GRIP1: variants seen among roughly 807,000 people sequenced by gnomAD.
GRIP1 encodes glutamate receptor interacting protein 1, also known as glutamate receptor-interacting protein 1.
GRIP1 carries 45 observed loss-of-function variants against 129.9 expected under a neutral mutation model. That is an observed-to-expected ratio of 0.35 (90% CI 0.27 to 0.44). The LOEUF is 0.44. Ranked by LOEUF, GRIP1 falls within the 20% of genes least tolerant of loss-of-function variation. GRIP1 has a pLI of 1.00. For missense variants in GRIP1, 1,196 were observed against 1,396.8 expected, an observed-to-expected ratio of 0.86 and a Z score of 2.29; for synonymous variants, 530 against 520.8, an observed-to-expected ratio of 1.02 and a Z score of -0.24.
At chr12:66,906,578 G>A (rs1592943877) in intron 1 of GRIP1, among the ~76,000 whole-genome samples, 1 of 152,242 alleles carries the variant, frequency 6.6e-6, no homozygotes, top group East Asian at 1.9e-4. Context: ...CCACAGAAAG[G>A]CAGGATACTG....
intron 1 of GRIP1, among the ~76,000 whole-genome samples, chr12:66,611,047 G>A (rs529437218): frequency 1.3e-5 from 2 of 152,160 alleles, no homozygotes; most frequent in African/African-American, 2.4e-5. Context: ...GACATTTATC[G>A]TGATAGAATA....
chr12:66,468,679 G>GC (rs1555189863), intron 7 of GRIP1, among the ~76,000 whole-genome samples: 2 of 149,170 alleles, frequency 1.3e-5, no homozygotes, highest in Non-Finnish European at 3.0e-5. Context: ...CCTTAAGTTA[G>GC]TTTTTTTTTT....
intron 1 of GRIP1, among the ~76,000 whole-genome samples, chr12:66,831,479 T>G (rs1280366435): frequency 6.6e-6 from 1 of 152,220 alleles, no homozygotes; most frequent in African/African-American, 2.4e-5. Flanking sequence ...AAATGTCATA[T>G]GTTGGCCCAA....
At chr12:66,382,191 T>TG (rs2056142052) in intron 19 of GRIP1, among the ~76,000 whole-genome samples, 2 of 152,286 alleles carry the variant, frequency 1.3e-5, no homozygotes, top group Non-Finnish European at 2.9e-5. Flanking sequence ...TTTGCACCAC[T>TG]GCACTCCAGT....
At chr12:66,618,222 G>A (rs1042220279) in intron 1 of GRIP1, among the ~76,000 whole-genome samples, 53 of 152,162 alleles carry the variant, frequency 3.5e-4, no homozygotes, top group African/African-American at 1.2e-3. Flanking sequence ...GTGCCAACAT[G>A]CAAAGATCTC....
At chr12:66,517,603 T>C (rs976160626) in intron 6 of GRIP1, among the ~76,000 whole-genome samples, 3 of 152,118 alleles carry the variant, frequency 2.0e-5, no homozygotes, top group Non-Finnish European at 2.9e-5. Context: ...ATTATATATC[T>C]CCAATCTTTG....
chr12:66,388,390 T>G (rs2056446263), intron 19 of GRIP1, among the ~76,000 whole-genome samples: 1 of 152,198 alleles, frequency 6.6e-6, no homozygotes, highest in Admixed American at 6.5e-5. Context: ...TATAGCTATC[T>G]GAGTTGAGAG....
chr12:66,917,490 T>C (rs529271103), intron 1 of GRIP1, among the ~76,000 whole-genome samples: 1 of 152,326 alleles, frequency 6.6e-6, no homozygotes, highest in South Asian at 2.1e-4. Context: ...ACAATGTGTA[T>C]AAAGAATAAA....
chr12:66,729,930 A>C (rs751089451), intron 1 of GRIP1, among the ~76,000 whole-genome samples: 4 of 152,222 alleles, frequency 2.6e-5, no homozygotes, highest in Non-Finnish European at 5.9e-5. Context: ...TCACTGCTTT[A>C]CTATAGCATA....
intron 1 of GRIP1, among the ~76,000 whole-genome samples, chr12:66,955,143 T>A (rs544850129): frequency 6.6e-6 from 1 of 152,138 alleles, no homozygotes; most frequent in Non-Finnish European, 1.5e-5. Context: ...CCATCAGAGG[T>A]TGGCATTATT....
intron 1 of GRIP1, among the ~76,000 whole-genome samples, chr12:66,727,457 T>C (rs772995339): frequency 6.6e-6 from 1 of 152,138 alleles, no homozygotes; most frequent in Non-Finnish European, 1.5e-5. Context: ...TAGCTGCTGG[T>C]TGCAGAAAGA....
chr12:66,707,502 C>CAAAAAAAAAAA (rs1565979272), intron 1 of GRIP1, among the ~76,000 whole-genome samples: 1 of 86,002 alleles, frequency 1.2e-5, no homozygotes. Flanking sequence ...CAATCACTGA[C>CAAAAAAAAAAA]TAAAAAAAAA....
chr12:66,553,149 G>A (rs1304903483), intron 2 of GRIP1, among the ~76,000 whole-genome samples: 1 of 152,144 alleles, frequency 6.6e-6, no homozygotes, highest in African/African-American at 2.4e-5. Context: ...GTTCCCCATT[G>A]CAGTAAGCAG....
intron 1 of GRIP1, among the ~76,000 whole-genome samples, chr12:66,898,086 C>T (rs990416005): frequency 6.6e-6 from 1 of 152,172 alleles, no homozygotes; most frequent in African/African-American, 2.4e-5. Context: ...ATACTATGTT[C>T]CACATTCCCC....
intron 1 of GRIP1, among the ~76,000 whole-genome samples, chr12:66,843,238 T>C (rs1030379030): frequency 6.6e-5 from 10 of 152,016 alleles, no homozygotes; most frequent in Non-Finnish European, 1.5e-4. Context: ...TGTTTAGAAA[T>C]AAATGTAACC....
chr12:66,924,069 TC>T, intron 1 of GRIP1, among the ~76,000 whole-genome samples: 1 of 152,274 alleles, frequency 6.6e-6, no homozygotes, highest in East Asian at 1.9e-4. Flanking sequence ...GGTCTCGGAC[TC>T]CTGGCAGCAG....
chr12:66,499,796 G>A (rs1265730380), intron 7 of GRIP1, among the ~76,000 whole-genome samples: 1 of 152,118 alleles, frequency 6.6e-6, no homozygotes, highest in African/African-American at 2.4e-5. Context: ...TTGAGCCCAG[G>A]AGTTCAAGAT....
At chr12:66,906,607 C>T (rs750296229) in intron 1 of GRIP1, among the ~76,000 whole-genome samples, 47 of 152,082 alleles carry the variant, frequency 3.1e-4, no homozygotes, top group Non-Finnish European at 6.2e-4. Context: ...AGCATATGCA[C>T]TCTGGGACTA....
intron 2 of GRIP1, among the ~76,000 whole-genome samples, chr12:66,578,427 C>A (rs1333616172): frequency 6.6e-6 from 1 of 151,992 alleles, no homozygotes; most frequent in Non-Finnish European, 1.5e-5. Context: ...GTGCAGCGCA[C>A]CGTGCGCGAG....
Sources: allele counts gnomAD v4.1 joint callset (sites outside exome capture counted in the v4.1 genomes callset), GRCh38; gene constraint gnomAD v4.1.1; transcripts MANE v1.5; gene names NCBI Gene and HGNC (gene_info 2026-07-23, HGNC 2026-07-21).